TRRAP: variants seen among roughly 807,000 people sequenced by gnomAD.
The protein encoded by TRRAP is transformation/transcription domain associated protein.
In TRRAP, 41 loss-of-function variants were observed where a neutral mutation model predicts 438.8. The observed-to-expected ratio is 0.09, with a 90% CI of 0.07 to 0.12. The LOEUF (loss-of-function observed/expected upper bound fraction) is 0.12, where lower values mean the gene tolerates loss of function less well. TRRAP is among the 10% of genes least tolerant of loss of function. The pLI, the probability that TRRAP is intolerant of heterozygous loss-of-function variation, is 1.00. For synonymous variants in TRRAP, 1,994 were observed against 1,962.9 expected (o/e 1.02, Z -0.42); for missense variants, 3,122 against 5,055.1 (o/e 0.62, Z 11.60).
At position 98,899,648 on chromosome 7, in the gene TRRAP, A is replaced by G. The variant is rs369422861; in HGVS notation, c.712-31A>G. On this transcript the variant is annotated intron_variant, in intron 9 of 72. Coordinates refer to ENST00000456197, the MANE Select transcript of TRRAP (RefSeq NM_001375524.1). ...ATTTTGTCGCCATAGCAGAGTGTCA[A>G]TGTATGAAAATCTGGTATGTTTGCT... is the stretch of plus-strand genomic sequence containing the variant. 369 of 1,613,032 alleles carry G rather than the reference A, an allele frequency of 2.3e-4. 2 individuals are homozygous for G. Among genetic ancestry groups the G allele is most frequent in the Middle Eastern group, 8.3e-4 (5 of 6,058 alleles).
At chr7:98,982,918 C>T (rs549226780) in intron 59 of TRRAP, among the ~76,000 whole-genome samples, 4 of 152,184 alleles carry the variant, frequency 2.6e-5, no homozygotes, top group African/African-American at 7.2e-5. Context: ...GACAAAGAGC[C>T]GGGCAGGGAG....
In TRRAP at chr7:98,915,705, G is replaced by C; in HGVS notation, c.2200-18G>C. On this transcript the variant is annotated intron_variant, in intron 18 of 72. Transcript: ENST00000456197. Reference sequence around the variant, plus strand: ...CCTCATTTAGATGCCACTAATCTGCGTCTTCTCCACCCCGCAGCCTCACTT... The same window carrying C: ...CCTCATTTAGATGCCACTAATCTGCCTCTTCTCCACCCCGCAGCCTCACTT... The C allele has an allele frequency of 6.2e-7, 1 of 1,611,244 alleles. No individual in the cohort carries two copies. The highest frequency in any genetic ancestry group is 8.5e-7 in the Non-Finnish European group (1 of 1,178,184).
At chr7:98,932,397 G>A (rs1554413146) in intron 26 of TRRAP, among the ~76,000 whole-genome samples, 2 of 152,226 alleles carry the variant, frequency 1.3e-5, no homozygotes, top group Non-Finnish European at 2.9e-5. Context: ...ACAGGCATGA[G>A]CCACTGCGCC....
intron 65 of TRRAP, among the ~76,000 whole-genome samples, chr7:98,992,560 CGTGTGTGTGTGTGT>C (rs72517544): frequency 6.7e-6 from 1 of 149,218 alleles, no homozygotes; most frequent in East Asian, 2.0e-4. Flanking sequence ...TGCCAGCTGC[CGTGTGTGTGTGTGT>C]GTGTGTGTGT....
chr7:98,967,004 A>G, intron 49 of TRRAP, 37 bp from the exon 50 acceptor site: 1 of 1,587,472 alleles, frequency 6.3e-7, no homozygotes, highest in Middle Eastern at 1.7e-4. Context: ...GATGGTTGAA[A>G]TACTTTTAAC....
intron 31 of TRRAP, among the ~76,000 whole-genome samples, chr7:98,944,236 A>C (rs1473413670): frequency 2.0e-5 from 3 of 152,128 alleles, no homozygotes; most frequent in Non-Finnish European, 4.4e-5. Flanking sequence ...TTTTTATAGT[A>C]AGCTATTAAT....
In TRRAP at chr7:98,910,185, C is replaced by G; in HGVS notation, c.1480C>G (p.Pro494Ala). The G allele has an allele frequency of 6.2e-7, 1 of 1,609,490 alleles. No homozygotes were observed. Among genetic ancestry groups the G allele is most frequent in the Non-Finnish European group, 8.5e-7 (1 of 1,179,192 alleles). ...TGGGGTGCCCACTGCCCCTGCAGCTCCTGGCCCTGCTCCCTCCCCAGCCCC... is the reference window on the plus strand; with the variant it reads ...TGGGGTGCCCACTGCCCCTGCAGCTGCTGGCCCTGCTCCCTCCCCAGCCCC... ...LPGVPTAPAA[P>A]GPAPSPAPVP... Residue 494 changes from proline to alanine, a missense_variant, in exon 15 of 73, where the codon CCT (proline) becomes GCT (alanine). Pro to Ala is a conservative substitution (Grantham distance 27, BLOSUM62 -1). Coordinates refer to ENST00000456197, the MANE Select transcript of TRRAP (RefSeq NM_001375524.1).
At chr7:98,953,587 C>T (rs1396957991) in intron 40 of TRRAP, among the ~76,000 whole-genome samples, 154 bp downstream of exon 40, 2 of 152,006 alleles carry the variant, frequency 1.3e-5, no homozygotes, top group African/African-American at 2.4e-5. Flanking sequence ...ACTTAGAAGA[C>T]CATAGGGCAC....
intron 16 of TRRAP, 72 bp from the exon 17 acceptor site, chr7:98,911,005 G>A (rs1789242497): frequency 2.9e-6 from 4 of 1,366,670 alleles, no homozygotes; most frequent in Non-Finnish European, 4.0e-6. Flanking sequence ...CAGCTGATCT[G>A]GTTACATAAT....
chr7:98,927,731 C>T (rs1464543978), intron 23 of TRRAP, among the ~76,000 whole-genome samples: 41 of 152,102 alleles, frequency 2.7e-4, no homozygotes, highest in Admixed American at 2.7e-3. Context: ...CCTCCAGAAA[C>T]TTCTCCATCA....
intron 22 of TRRAP, among the ~76,000 whole-genome samples, chr7:98,925,595 G>A (rs1426500622): frequency 1.3e-5 from 2 of 152,202 alleles, no homozygotes; most frequent in Non-Finnish European, 2.9e-5. Context: ...GCGCCTGAAA[G>A]GCATGCAGTG....
chr7:99,005,141 C>G lies in TRRAP; in HGVS notation c.10546C>G (p.Arg3516Gly). 1 of 1,613,530 alleles carries G rather than the reference C, an allele frequency of 6.2e-7. No homozygotes were observed. Among genetic ancestry groups the G allele is most frequent in the Non-Finnish European group, 8.5e-7 (1 of 1,179,950 alleles). The change falls in exon 69 of 73, where the codon CGG becomes GGG. Residue 3516 changes from arginine to glycine, a missense_variant. Physicochemically the swap from Arg to Gly is moderately radical, Grantham distance 125. Transcript: ENST00000456197. This position sits in a 1 kb window ranked among gnomAD's most constrained non-coding sequence, Gnocchi z 5.1. ...TTCTCGCTCTGGCAGGTTCATGCCC[C>G]GGGTAGAGATTGTGCAGAAGCACAA... is the stretch of plus-strand genomic sequence containing the variant. ...YYIKIARFMP[R>G]VEIVQKHNTA... is the part of the protein sequence containing the mutation.
chr7:98,920,088 T>G (rs1554410226), intron 20 of TRRAP, among the ~76,000 whole-genome samples: 1 of 152,246 alleles, frequency 6.6e-6, no homozygotes, highest in Non-Finnish European at 1.5e-5. Flanking sequence ...GGAATTTTGC[T>G]TGGTTTAGAG....
Position 99,012,350 on chromosome 7 carries a change from C to T in TRRAP, c.11617C>T (p.Leu3873=). The change falls in exon 73 of 73, where the codon CTG becomes TTG. Residue 3873 remains leucine (L), a synonymous_variant. Coordinates refer to ENST00000456197, the MANE Select transcript of TRRAP (RefSeq NM_001375524.1). This position sits in a 1 kb window ranked among gnomAD's most constrained non-coding sequence, Gnocchi z 5.9. ...CATGGACCCCGCCTGGCACCCCTGG[C>T]TGTGACTGTGGCCGCCACGGCCACC... ...CRMDPAWHPW[L] The T allele has an allele frequency of 1.3e-6, 2 of 1,595,264 alleles. No homozygotes were observed. Among genetic ancestry groups the T allele is most frequent in the East Asian group, 2.3e-5 (1 of 43,972 alleles).
intron 53 of TRRAP, 89 bp downstream of exon 53, chr7:98,972,034 T>G: frequency 6.8e-7 from 1 of 1,476,406 alleles, no homozygotes; most frequent in East Asian, 2.4e-5. Context: ...CAGTGTAACT[T>G]TTTCTGTTTC....
At chr7:98,936,921 G>T (rs1289827184) in intron 28 of TRRAP, among the ~76,000 whole-genome samples, 1 of 152,140 alleles carries the variant, frequency 6.6e-6, no homozygotes, top group African/African-American at 2.4e-5. Context: ...TTGCTGGTTG[G>T]TAGGAGCCTT....
chr7:99,009,085 C>T (rs1368281702), intron 70 of TRRAP, among the ~76,000 whole-genome samples: 1 of 152,160 alleles, frequency 6.6e-6, no homozygotes, highest in African/African-American at 2.4e-5. Flanking sequence ...AGCATGGTGC[C>T]CGCAGGAGTC....
chr7:98,959,440 C>T lies in TRRAP; in HGVS notation c.6439C>T (p.Pro2147Ser). ...GACTGCGTTGCGGCCAGACATGTGG[C>T]CCAAGTCCGAACTCAAGCTGCAGTG... ...LKTALRPDMW[P>S]KSELKLQWFD... The change falls in exon 45 of 73, where the codon CCC becomes TCC. Residue 2147 changes from proline (P) to serine (S), a missense_variant. Physicochemically the swap from Pro to Ser is moderately conservative, Grantham distance 74. Coordinates refer to ENST00000456197, the MANE Select transcript of TRRAP (RefSeq NM_001375524.1). The T allele has an allele frequency of 6.2e-7, 1 of 1,613,936 alleles. No homozygotes were observed. The highest frequency in any genetic ancestry group is 2.2e-5 in the East Asian group (1 of 44,854).
chr7:99,010,932 C>A (rs1363812527), intron 70 of TRRAP, 120 bp from the exon 71 acceptor site: 6 of 1,047,660 alleles, frequency 5.7e-6, no homozygotes, highest in Non-Finnish European at 7.0e-6. Context: ...AAATCTGTCA[C>A]CAGAATTTAC....
Sources: allele counts gnomAD v4.1 joint callset (sites outside exome capture counted in the v4.1 genomes callset), GRCh38; gene constraint gnomAD v4.1.1; non-coding constraint Gnocchi (gnomAD v3.1); transcripts MANE v1.5; gene names NCBI Gene and HGNC (gene_info 2026-07-23, HGNC 2026-07-21).